Variants in MGAT4C observed in about 807,000 individuals in gnomAD.
MGAT4C encodes MGAT4 family member C, also known as alpha-1,3-mannosyl-glycoprotein 4-beta-N-acetylglucosaminyltransferase C.
A neutral mutation model predicts 40.1 loss-of-function variants in MGAT4C; 19 were observed. The observed-to-expected ratio is 0.47, with a 90% confidence interval of 0.33 to 0.70. The LOEUF is 0.70. Among genes scored for constraint, MGAT4C ranks in the 30% least tolerant of loss-of-function variants. The pLI, the probability that MGAT4C is intolerant of heterozygous loss-of-function variation, is 0.02. For missense variants in MGAT4C, 491 were observed against 563.2 expected (o/e 0.87, Z 1.30); for synonymous variants, 181 against 187.1 (o/e 0.97, Z 0.27).
At chr12:86,587,134 G>T (rs1262678709) in intron 2 of MGAT4C, among the ~76,000 whole-genome samples, 1 of 151,846 alleles carries the variant, frequency 6.6e-6, no homozygotes, top group African/African-American at 2.4e-5. Context: ...TTTGTATAAG[G>T]TGTAAGGAAG....
intron 1 of MGAT4C, among the ~76,000 whole-genome samples, chr12:86,801,822 C>T (rs756791538): frequency 1.6e-5 from 2 of 124,740 alleles, no homozygotes; most frequent in African/African-American, 5.1e-5. Context: ...TCATACCTAA[C>T]CCTAATTCTT....
At chr12:86,022,462 A>T (rs1204212114) in intron 2 of MGAT4C, 1 of 152,276 alleles carries the variant, frequency 6.6e-6, no homozygotes, top group African/African-American at 2.4e-5. Flanking sequence ...CTGTAATTTC[A>T]GCGCTTTGGG....
Position 86,463,151 on chromosome 12 carries a change from A to G in MGAT4C, c.-228-27886T>C, listed in dbSNP as rs1167417154. Among the ~76,000 whole-genome samples, 4 of 152,246 alleles carry G rather than the reference A, an allele frequency of 2.6e-5. 1 individual carries two copies. Among genetic ancestry groups the G allele is most frequent in the Admixed American group, 2.6e-4 (4 of 15,294 alleles). Reference sequence around the variant, plus strand: ...ACCCTGTCCTTTTGTGTAGGGATGGATAGCTGAGAATAAATTAATTTATAA... The same window carrying G: ...ACCCTGTCCTTTTGTGTAGGGATGGGTAGCTGAGAATAAATTAATTTATAA... On this transcript the variant is annotated intron_variant, in intron 2 of 7. Coordinates refer to the MGAT4C transcript ENST00000548651.
chr12:86,535,847 C>A (rs999897459), intron 2 of MGAT4C, among the ~76,000 whole-genome samples: 2 of 151,952 alleles, frequency 1.3e-5, no homozygotes, highest in African/African-American at 4.8e-5. Context: ...ACTCTTCAAG[C>A]CTTTATTTGT....
At chr12:86,469,922 T>G (rs1957734580) in intron 2 of MGAT4C, among the ~76,000 whole-genome samples, 1 of 152,164 alleles carries the variant, frequency 6.6e-6, no homozygotes, top group Admixed American at 6.5e-5. Context: ...TTGTTTAGTT[T>G]AGTTTAGTTT....
chr12:86,546,773 A>C (rs1959195146), intron 2 of MGAT4C, among the ~76,000 whole-genome samples: 1 of 152,090 alleles, frequency 6.6e-6, no homozygotes, highest in Non-Finnish European at 1.5e-5. Context: ...CTGAAATGTC[A>C]TAAAACCCTT....
chr12:86,620,569 G>A (rs1197223621), intron 2 of MGAT4C, among the ~76,000 whole-genome samples: 1 of 152,120 alleles, frequency 6.6e-6, no homozygotes, highest in Non-Finnish European at 1.5e-5. Flanking sequence ...CTATAAGGTG[G>A]GAGGGGGATG....
intron 3 of MGAT4C, among the ~76,000 whole-genome samples, chr12:86,351,414 T>C (rs1282138847): frequency 6.6e-6 from 1 of 152,074 alleles, no homozygotes; most frequent in Middle Eastern, 3.4e-3. Flanking sequence ...CAATGAAACT[T>C]GCCTAAAGTA....
rs371869656 is a variant in MGAT4C at position 86,142,954 on chromosome 12, G to A, written c.-56-93231C>T. 3.3e-5 allele frequency among the ~76,000 whole-genome samples: 5 copies of A among 152,200 alleles called. No individual in the cohort carries two copies. The South Asian group carries it at 8.3e-4, about 25-fold the overall frequency. ...AAGGATTAATGTCCCCTTATAAGAAGAGGCTCCAGAGAACCCACTTATTGT... is the reference window on the plus strand; with the variant it reads ...AAGGATTAATGTCCCCTTATAAGAAAAGGCTCCAGAGAACCCACTTATTGT... On this transcript the variant is annotated intron_variant, in intron 1 of 4. Transcript: ENST00000611864.
Position 86,773,783 on chromosome 12 carries a change from G to C in MGAT4C, c.-261-46542C>G, listed in dbSNP as rs577008533. Among the ~76,000 whole-genome samples, 6 of 151,682 alleles carry C rather than the reference G, an allele frequency of 4.0e-5. No homozygotes were observed. In the South Asian group the frequency reaches 1.0e-3, roughly 26 times the overall value. On this transcript the variant is annotated intron_variant, in intron 1 of 7. Transcript: ENST00000548651. ...TAATTTTGAGCTCTTTCATGGAAAG[G>C]ATTTTTTAAACTCTTCTTTGTAATT...
At chr12:86,399,775 T>C (rs1956323902) in intron 3 of MGAT4C, among the ~76,000 whole-genome samples, 1 of 152,134 alleles carries the variant, frequency 6.6e-6, no homozygotes, top group Admixed American at 6.6e-5. Flanking sequence ...GCAACAAAAG[T>C]TTCTACACAC....
chr12:86,234,427 T>G (rs1026941259), intron 1 of MGAT4C, among the ~76,000 whole-genome samples: 1 of 152,196 alleles, frequency 6.6e-6, no homozygotes, highest in Non-Finnish European at 1.5e-5. Context: ...CATTGCACTT[T>G]GTATGCACAC....
At chr12:86,705,192 A>G (rs997346115) in intron 2 of MGAT4C, among the ~76,000 whole-genome samples, 1 of 150,904 alleles carries the variant, frequency 6.6e-6, no homozygotes, top group Non-Finnish European at 1.5e-5. Context: ...AAACTCTCTA[A>G]TTATCTATCT....
At chr12:86,039,707 C>T (rs1891615184) in intron 2 of MGAT4C, among the ~76,000 whole-genome samples, 1 of 152,208 alleles carries the variant, frequency 6.6e-6, no homozygotes, top group African/African-American at 2.4e-5. Context: ...TACTCACCTT[C>T]TGAAGCCTAC....
chr12:86,517,628 ATTTGTTTG>A (rs371515004), intron 2 of MGAT4C, among the ~76,000 whole-genome samples: 54 of 150,994 alleles, frequency 3.6e-4, no homozygotes, highest in Admixed American at 7.9e-4. Flanking sequence ...TTATTTATTT[ATTTGTTTG>A]TTTGTTTGTT....
intron 3 of MGAT4C, among the ~76,000 whole-genome samples, chr12:86,341,597 C>CA (rs1419472837): frequency 2.0e-5 from 3 of 152,326 alleles, no homozygotes; most frequent in African/African-American, 7.2e-5. Context: ...AGCAGCACTG[C>CA]ACTCCCCTAA....
intron 1 of MGAT4C, among the ~76,000 whole-genome samples, chr12:86,158,292 T>C (rs1241670931): frequency 1.3e-5 from 2 of 152,126 alleles, no homozygotes; most frequent in Non-Finnish European, 2.9e-5. Context: ...TCTAAAAATA[T>C]AACATTACAG....
chr12:86,424,355 A>G (rs1165839196), intron 3 of MGAT4C, among the ~76,000 whole-genome samples: 1 of 152,206 alleles, frequency 6.6e-6, no homozygotes, highest in Non-Finnish European at 1.5e-5. Context: ...TGCATCCTCC[A>G]TTTGGTGAGA....
intron 2 of MGAT4C, among the ~76,000 whole-genome samples, chr12:86,485,153 G>T (rs1182793861): frequency 6.6e-6 from 1 of 152,096 alleles, no homozygotes; most frequent in Non-Finnish European, 1.5e-5. Flanking sequence ...GAAAGAATCG[G>T]CATAAGAATG....
Sources: gnomAD v4.1 joint callset for allele counts (sites outside exome capture counted in the v4.1 genomes callset) on GRCh38, gnomAD v4.1.1 for gene constraint, MANE v1.5 for transcripts, NCBI Gene and HGNC (gene_info 2026-07-23, HGNC 2026-07-21) for gene names.